Variants in BCAR3 observed in about 807,000 individuals in gnomAD.
The protein encoded by BCAR3 is BCAR3 adaptor protein, NSP family member, also known as breast cancer anti-estrogen resistance protein 3.
Under a neutral mutation model 80.1 loss-of-function variants are expected in BCAR3, and 37 were observed. That is an observed-to-expected ratio of 0.46 (90% CI 0.36 to 0.61). BCAR3 has a LOEUF of 0.61. BCAR3 is among the 20% of genes least tolerant of loss of function. The probability of loss-of-function intolerance (pLI) is 0.00; values close to 1 mark genes in which losing one functional copy is unlikely to be tolerated. For missense variants in BCAR3, 978 were observed against 1,068.2 expected, an observed-to-expected ratio of 0.92 and a Z score of 1.18; for synonymous variants, 389 against 418.9, an observed-to-expected ratio of 0.93 and a Z score of 0.87.
At chr1:93,641,543 G>C (rs1675977290) in intron 3 of BCAR3, among the ~76,000 whole-genome samples, 1 of 152,196 alleles carries the variant, frequency 6.6e-6, no homozygotes, top group Non-Finnish European at 1.5e-5. Flanking sequence ...AAAGCAAACA[G>C]CAACACTGGA....
At position 93,709,004 on chromosome 1, in the gene BCAR3, G is replaced by T. The variant is rs61781006; in HGVS notation, c.-62-2862C>A. Reference sequence around the variant, plus strand: ...TCACAACTTTCATATCAGGAGAGTCGATTGCACATGTGAAGAGGCCAATTA... The same window carrying T: ...TCACAACTTTCATATCAGGAGAGTCTATTGCACATGTGAAGAGGCCAATTA... On this transcript the variant is annotated intron_variant, in intron 2 of 13. Coordinates refer to the BCAR3 transcript ENST00000370244. Among the ~76,000 whole-genome samples, 3 of 152,234 alleles carry T rather than the reference G, an allele frequency of 2.0e-5. 1 individual carries two copies. Among genetic ancestry groups the T allele is most frequent in the Middle Eastern group, 6.8e-3 (2 of 294 alleles).
intron 3 of BCAR3, among the ~76,000 whole-genome samples, chr1:93,689,210 G>T (rs2101962268): frequency 6.6e-6 from 1 of 151,626 alleles, no homozygotes; most frequent in South Asian, 2.1e-4. Context: ...CTGGGGGCTG[G>T]GCGTGGTGGC....
chr1:93,592,561 G>A lies in BCAR3; in HGVS notation c.358-168C>T. 1 of 896,008 alleles carries A rather than the reference G, an allele frequency of 1.1e-6. No homozygotes were observed. The highest frequency in any genetic ancestry group is 1.6e-6 in the Non-Finnish European group (1 of 620,108). 55.5% of individuals were successfully genotyped at this position (896,008 alleles called of 1,614,324 possible). ...AGAGCTGTGACCTTTCGTTTCTCCG[G>A]CCGCAACCATGTAATAAAATTTTCA... On this transcript the variant is annotated intron_variant, in intron 3 of 11. Transcript: ENST00000260502. The surrounding 1 kb of genome is among the most constrained non-coding windows in gnomAD (Gnocchi z 4.8).
In BCAR3 at chr1:93,814,494, T is replaced by C. The variant is rs923865371; in HGVS notation, c.-63+31073A>G. On this transcript the variant is annotated intron_variant, in intron 2 of 13. Coordinates refer to the BCAR3 transcript ENST00000370244. ...TAGGCGGGCAGGGCCTGGTGGTCCC[T>C]GGAGTGGTAAAGCTGCTCTTCAGGA... Among the ~76,000 whole-genome samples, 3 of 152,240 alleles carry C rather than the reference T, an allele frequency of 2.0e-5. No homozygotes were observed. The East Asian group carries it at 5.8e-4, about 29-fold the overall frequency.
chr1:93,786,062 G>A (rs577187450), intron 2 of BCAR3, among the ~76,000 whole-genome samples: 4 of 141,250 alleles, frequency 2.8e-5, no homozygotes, highest in Non-Finnish European at 6.0e-5. Flanking sequence ...GCGTGGTGGC[G>A]GGCGCCTGTA....
intron 2 of BCAR3, among the ~76,000 whole-genome samples, chr1:93,715,977 C>T (rs1366681654): frequency 6.6e-6 from 1 of 152,230 alleles, no homozygotes; most frequent in Non-Finnish European, 1.5e-5. Context: ...GCCAAGTTTA[C>T]TTTGGGCCAC....
intron 2 of BCAR3, among the ~76,000 whole-genome samples, chr1:93,709,843 G>A (rs1649958751): frequency 6.6e-6 from 1 of 152,002 alleles, no homozygotes; most frequent in Non-Finnish European, 1.5e-5. Context: ...TAATCATGGT[G>A]GAATGTATCT....
At chr1:93,588,451 G>A (rs1490572145) in intron 5 of BCAR3, among the ~76,000 whole-genome samples, 2 of 151,974 alleles carry the variant, frequency 1.3e-5, no homozygotes, top group African/African-American at 4.8e-5. Context: ...CTATTCTTAG[G>A]ACACCGTGTT....
intron 2 of BCAR3, among the ~76,000 whole-genome samples, chr1:93,736,615 C>A (rs1396872365): frequency 6.6e-6 from 1 of 152,116 alleles, no homozygotes; most frequent in Non-Finnish European, 1.5e-5. Flanking sequence ...GGTAATGGAA[C>A]AAAGAATACC....
At chr1:93,671,647 T>G (rs930903355) in intron 2 of BCAR3, among the ~76,000 whole-genome samples, 2 of 152,192 alleles carry the variant, frequency 1.3e-5, no homozygotes, top group African/African-American at 4.8e-5. Context: ...AATGAGAAGT[T>G]CCATTTCTCT....
rs200722782 is a variant in BCAR3, at chr1:93,570,262, T to C, written c.1974+1408A>G. Among the ~76,000 whole-genome samples the C allele has an allele frequency of 2.4e-3, 361 of 152,274 alleles. 4 individuals are homozygous for C. Among genetic ancestry groups the C allele is most frequent in the African/African-American group, 7.8e-3 (323 of 41,552 alleles). ...CTTGCGGGACATGTGATTGTGGCTGTTTTTCAGTGGCAATGATGGAATTTC... is the reference window on the plus strand; with the variant it reads ...CTTGCGGGACATGTGATTGTGGCTGCTTTTCAGTGGCAATGATGGAATTTC... On this transcript the variant is annotated intron_variant, in intron 9 of 11. Transcript: ENST00000260502.
chr1:93,791,076 C>T (rs1443613421), intron 2 of BCAR3, among the ~76,000 whole-genome samples: 1 of 86,290 alleles, frequency 1.2e-5, no homozygotes, highest in Non-Finnish European at 2.1e-5. Flanking sequence ...GGGTTTGTTC[C>T]AAGTCTTTGT....
intron 2 of BCAR3, among the ~76,000 whole-genome samples, chr1:93,774,529 A>C (rs533769828): frequency 5.9e-4 from 89 of 151,556 alleles, no homozygotes; most frequent in African/African-American, 2.2e-3. Context: ...GTACATTTTG[A>C]CCCTAGCCTT....
At chr1:93,676,622 A>G (rs1648500690) in intron 1 of BCAR3, among the ~76,000 whole-genome samples, 2 of 152,196 alleles carry the variant, frequency 1.3e-5, no homozygotes, top group African/African-American at 4.8e-5. Flanking sequence ...CACTTGCTCA[A>G]TGCTAACCAT....
At chr1:93,752,767 T>C (rs910732947) in intron 2 of BCAR3, among the ~76,000 whole-genome samples, 2 of 152,222 alleles carry the variant, frequency 1.3e-5, no homozygotes, top group African/African-American at 4.8e-5. Flanking sequence ...ACTCCATAGC[T>C]CTAACAAAGA....
At chr1:93,644,557 C>T (rs915307823) in intron 2 of BCAR3, among the ~76,000 whole-genome samples, 1 of 152,244 alleles carries the variant, frequency 6.6e-6, no homozygotes, top group African/African-American at 2.4e-5. Flanking sequence ...TGCGCCCCAA[C>T]CACCAGGGGC....
At chr1:93,844,760 G>A (rs1376283089) in intron 2 of BCAR3, among the ~76,000 whole-genome samples, 1 of 149,644 alleles carries the variant, frequency 6.7e-6, no homozygotes, top group Non-Finnish European at 1.5e-5. Flanking sequence ...CCAGGCTGGA[G>A]TGCAGTGGCG....
Position 93,845,498 on chromosome 1 carries a change from AT to A in BCAR3, c.-63+68del, listed in dbSNP as rs1292147671. On this transcript the variant is annotated intron_variant, in intron 2 of 13. Transcript: ENST00000370244. ...TATATATATATATATATATATATAT[AT>A]ATAAAACTTTGTTTACATTAGAGTA... The A allele has an allele frequency of 1.1e-3, 5 of 4,660 alleles. No individual in the cohort carries two copies. In the Admixed American group the frequency reaches 0.014, roughly 13 times the overall value. The allele number at this position is 4,660 out of a possible 1,614,324, so 0.3% of individuals were successfully genotyped here.
In BCAR3 at chr1:93,666,185, G is replaced by C. The variant is rs1017055375; in HGVS notation, c.317+8429C>G. Among the ~76,000 whole-genome samples the C allele has an allele frequency of 1.2e-4, 18 of 152,162 alleles. No individual in the cohort carries two copies. In the South Asian group the frequency reaches 3.7e-3, roughly 32 times the overall value. ...GGTAGATTTCCTTTTGCCCTACAGA[G>C]AAAATCTGAAGTCCTTACCCAAATC... On this transcript the variant is annotated intron_variant, in intron 2 of 11. Coordinates refer to ENST00000260502, the MANE Select transcript of BCAR3 (RefSeq NM_003567.4).
Sources: gnomAD v4.1 joint callset for allele counts (sites outside exome capture counted in the v4.1 genomes callset) on GRCh38, gnomAD v4.1.1 for gene constraint, Gnocchi (gnomAD v3.1) non-coding constraint, MANE v1.5 for transcripts, NCBI Gene and HGNC (gene_info 2026-07-23, HGNC 2026-07-21) for gene names.